The following KCNC4 variants were observed in gnomAD, a reference collection of about 807,000 sequenced individuals.
KCNC4 encodes the protein potassium voltage-gated channel subfamily C member 4.
Under a neutral mutation model 42.8 loss-of-function variants are expected in KCNC4, and 23 were observed. The ratio of observed to expected loss-of-function variants is 0.54; its 90% CI spans 0.39 to 0.76. The LOEUF (loss-of-function observed/expected upper bound fraction) is 0.76, where lower values mean the gene tolerates loss of function less well. KCNC4 is among the 30% of genes least tolerant of loss of function. The pLI is 0.00. For missense variants in KCNC4, 751 were observed against 898.2 expected (o/e 0.84, Z 2.10); for synonymous variants, 422 against 393.5 (o/e 1.07, Z -0.86).
exon 4 of KCNC4, chr1:110,245,114 A>C (rs1659116549): frequency 6.6e-6 from 1 of 152,280 alleles, no homozygotes. Flanking sequence ...CCCAGCCCAC[A>C]GCCTCCCCAT....
At chr1:110,231,303 G>A (rs734695) in intron 3 of KCNC4, among the ~76,000 whole-genome samples, 4,195 of 152,136 alleles carry the variant, frequency 0.028, 184 homozygotes, top group African/African-American at 0.093. Flanking sequence ...TCTGGCCAGC[G>A]TCACCCTCTG....
chr1:110,276,450 T>A (rs1435766865), intron 1 of KCNC4, among the ~76,000 whole-genome samples: 1 of 152,086 alleles, frequency 6.6e-6, no homozygotes, highest in African/African-American at 2.4e-5. Flanking sequence ...GTCTGCAGCT[T>A]TTTCAGAAGG....
chr1:110,262,284 C>T (rs116456635), intron 1 of KCNC4, among the ~76,000 whole-genome samples: 113 of 152,326 alleles, frequency 7.4e-4, no homozygotes, highest in African/African-American at 2.6e-3. Flanking sequence ...AGACTTCTGG[C>T]TTCTTATCTT....
In KCNC4 at chr1:110,223,510, C is replaced by A. The variant is rs779859089; in HGVS notation, c.1225C>A (p.Pro409Thr). Residue 409 changes from proline to threonine, a missense_variant, in exon 2 of 4, where the codon CCC becomes ACC. This residue lies in a region of KCNC4 where 185 missense variants were observed against 293.7 expected (regional missense o/e 0.63). Transcript: ENST00000438661. This position sits in a 1 kb window ranked among gnomAD's most constrained non-coding sequence, Gnocchi z 7.5. ...CTACGCTGAGCGCATTGGGGCCAGG[C>A]CCTCCGACCCTCGGGGTAATGACCA... ...IYYAERIGAR[P>T]SDPRGNDHTD... 6.2e-7 allele frequency: 1 copy of A among 1,613,824 alleles called. No homozygotes were observed. The highest frequency in any genetic ancestry group is 8.5e-7 in the Non-Finnish European group (1 of 1,180,050).
chr1:110,220,862 A>G (rs1658059529), intron 1 of KCNC4: 2 of 152,222 alleles, frequency 1.3e-5, no homozygotes, highest in African/African-American at 4.8e-5. Context: ...GAGGCTAGAA[A>G]AGGAACTTAA....
chr1:110,245,746 T>G (rs1189778935), exon 4 of KCNC4: 3 of 152,364 alleles, frequency 2.0e-5, no homozygotes, highest in Admixed American at 1.3e-4. Flanking sequence ...CCTCTTCTCT[T>G]CTCTTGGCCT....
At chr1:110,278,074 G>C (rs1017645693) in intron 1 of KCNC4, among the ~76,000 whole-genome samples, 2 of 151,618 alleles carry the variant, frequency 1.3e-5, no homozygotes, top group African/African-American at 4.8e-5. Context: ...CTGAGCCCAG[G>C]AGGTCGAGGC....
chr1:110,254,091 G>GGT (rs1491162786), downstream of KCNC4, among the ~76,000 whole-genome samples: 23 of 68,046 alleles, frequency 3.4e-4, no homozygotes, highest in African/African-American at 1.3e-3. Context: ...GGCAGAAGTC[G>GGT]GGGGGGGGGC....
rs556343253 is a variant in KCNC4, at chr1:110,254,761, A to C, written n.31-27773A>C. On this transcript the variant is annotated intron_variant and non_coding_transcript_variant, in intron 1 of 2. Coordinates refer to the KCNC4 transcript ENST00000412512. ...CTCCCTCAGCAGGTGTCAGTGTAGC[A>C]GTCACCTGGTCTATCCCAAATACAG... Among the ~76,000 whole-genome samples the C allele has an allele frequency of 6.6e-5, 10 of 152,358 alleles. No homozygotes were observed. The East Asian group carries it at 1.7e-3, about 26-fold the overall frequency.
At chr1:110,270,936 A>T (rs925441090) in intron 1 of KCNC4, among the ~76,000 whole-genome samples, 12 of 152,234 alleles carry the variant, frequency 7.9e-5, no homozygotes, top group Non-Finnish European at 1.3e-4. Flanking sequence ...TCAGCTCTTC[A>T]GTAGATTTAG....
Position 110,223,687 on chromosome 1 carries a change from G to A in KCNC4, c.1402G>A (p.Val468Met). 6.2e-7 allele frequency: 1 copy of A among 1,614,082 alleles called. No homozygotes were observed. The highest frequency in any genetic ancestry group is 8.5e-7 in the Non-Finnish European group (1 of 1,180,020). ...LAGVLTIAMP[V>M]PVIVNNFGMY... ...TGGCGTGCTCACCATCGCCATGCCG[G>A]TGCCTGTCATCGTCAACAACTTCGG... Residue 468 changes from valine to methionine, a missense_variant, in exon 2 of 4, where the codon GTG (valine) becomes ATG (methionine). Physicochemically the swap from Val to Met is conservative, Grantham distance 21. Around this residue, in one of 4 missense-constraint regions of KCNC4, gnomAD observed 185 missense variants for 293.7 expected, o/e 0.63. Coordinates refer to ENST00000438661, the MANE Select transcript of KCNC4 (RefSeq NM_001039574.3). This position sits in a 1 kb window ranked among gnomAD's most constrained non-coding sequence, Gnocchi z 7.5.
chr1:110,212,174 T>A lies in KCNC4; in HGVS notation c.675T>A (p.Ala225=), dbSNP rs1367679280. ...AGGATCCCTACTCCTCCCGGGCCGC[T>A]AGGGTGAGTGGCAGGAGCCCGTGTC... ...LFEDPYSSRA[A]RVVAFASLFF... Residue 225 remains alanine, a synonymous_variant, in exon 1 of 4, where the codon GCT becomes GCA. Transcript: ENST00000438661. 6.7e-7 allele frequency: 1 copy of A among 1,491,788 alleles called. No homozygotes were observed. Among genetic ancestry groups the A allele is most frequent in the Non-Finnish European group, 8.8e-7 (1 of 1,137,758 alleles). 92.4% of individuals were successfully genotyped at this position (1,491,788 alleles called of 1,614,324 possible).
Position 110,256,217 on chromosome 1 carries a change from A to G in KCNC4, n.31-26317A>G, listed in dbSNP as rs535551860. 8.5e-5 allele frequency among the ~76,000 whole-genome samples: 13 copies of G among 152,306 alleles called. No homozygotes were observed. The South Asian group carries it at 2.3e-3, about 27-fold the overall frequency. ...GACAAACATTTCCTGTGTACCTGAC[A>G]TGTTAGACAAGCGAGATGAAAACCC... On this transcript the variant is annotated intron_variant and non_coding_transcript_variant, in intron 1 of 2. Transcript: ENST00000412512.
intron 1 of KCNC4, among the ~76,000 whole-genome samples, chr1:110,263,523 G>C (rs553080734): frequency 6.6e-5 from 10 of 152,160 alleles, no homozygotes; most frequent in African/African-American, 2.4e-4. Context: ...GGTTAAATAG[G>C]AGCACGTTTG....
intron 3 of KCNC4, among the ~76,000 whole-genome samples, chr1:110,228,218 G>A (rs1412681632): frequency 6.6e-6 from 1 of 152,188 alleles, no homozygotes; most frequent in Non-Finnish European, 1.5e-5. Context: ...TCAGTTCCCT[G>A]GGAGGATGGT....
chr1:110,221,237 CTTTGAAG>C (rs1658077227), intron 1 of KCNC4: 1 of 152,228 alleles, frequency 6.6e-6, no homozygotes, highest in African/African-American at 2.4e-5. Context: ...AAGGTACAGC[CTTTGAAG>C]TTAAACAGTT....
In KCNC4 at chr1:110,223,829, C is replaced by T; in HGVS notation, c.1544C>T (p.Pro515Leu). The change falls in exon 2 of 4, where the codon CCC (proline) becomes CTC (leucine). Residue 515 changes from proline (P) to leucine (L), a missense_variant. Transcript: ENST00000438661. This position sits in a 1 kb window ranked among gnomAD's most constrained non-coding sequence, Gnocchi z 7.5. The stretch of plus-strand genomic sequence containing the variant: ...TACTGCAAGTCTGAGGAGACTTCCC[C>T]CCGGGACAGCACCTGCAGTGATACC... ...PMYCKSEETSPRDSTCSDTSP... is the reference protein window; with the variant it reads ...PMYCKSEETSLRDSTCSDTSP... 6.2e-7 allele frequency: 1 copy of T among 1,612,990 alleles called. No homozygotes were observed. Among genetic ancestry groups the T allele is most frequent in the Non-Finnish European group, 8.5e-7 (1 of 1,179,206 alleles).
chr1:110,223,719 C>T lies in KCNC4; in HGVS notation c.1434C>T (p.Tyr478=), dbSNP rs1658237770. Residue 478 remains tyrosine (Y), a synonymous_variant, in exon 2 of 4, where the codon TAC becomes TAT. Transcript: ENST00000438661. This position sits in a 1 kb window ranked among gnomAD's most constrained non-coding sequence, Gnocchi z 7.5. The part of the protein sequence containing the change: ...VPVIVNNFGM[Y]YSLAMAKQKL... The stretch of plus-strand genomic sequence containing the variant: ...TCATCGTCAACAACTTCGGCATGTA[C>T]TACTCCCTGGCCATGGCCAAGCAGA... 6.2e-7 allele frequency: 1 copy of T among 1,614,154 alleles called. No homozygotes were observed. The highest frequency in any genetic ancestry group is 8.5e-7 in the Non-Finnish European group (1 of 1,180,042).
At chr1:110,255,826 C>G (rs1294087209) in intron 1 of KCNC4, among the ~76,000 whole-genome samples, 2 of 152,232 alleles carry the variant, frequency 1.3e-5, no homozygotes, top group Admixed American at 6.5e-5. Flanking sequence ...ATGGAGGACA[C>G]TGTCTCTGGA....
Sources: allele counts gnomAD v4.1 joint callset (sites outside exome capture counted in the v4.1 genomes callset), GRCh38; gene constraint gnomAD v4.1.1; regional missense constraint gnomAD v4.1.1; non-coding constraint Gnocchi (gnomAD v3.1); transcripts MANE v1.5; gene names NCBI Gene and HGNC (gene_info 2026-07-23, HGNC 2026-07-21).